EFCAB6: variants seen among roughly 807,000 people sequenced by gnomAD.
EFCAB6 encodes the protein EF-hand calcium binding domain 6.
A neutral mutation model predicts 169.8 loss-of-function variants in EFCAB6; 156 were observed. The ratio of observed to expected loss-of-function variants is 0.92; its 90% CI spans 0.81 to 1.05. The LOEUF is 1.05. Ranked by LOEUF, EFCAB6 falls within the 50% of genes least tolerant of loss-of-function variation. The probability of loss-of-function intolerance (pLI) is 0.00; values close to 1 mark genes in which losing one functional copy is unlikely to be tolerated. For synonymous variants in EFCAB6, 698 were observed against 676.4 expected, an observed-to-expected ratio of 1.03 and a Z score of -0.50; for missense variants, 1,800 against 1,829.1, an observed-to-expected ratio of 0.98 and a Z score of 0.29.
Position 43,752,414 on chromosome 22 carries a change from G to A in EFCAB6, c.507+3352C>T, listed in dbSNP as rs1323853920. On this transcript the variant is annotated intron_variant, in intron 6 of 31. Coordinates refer to ENST00000262726, the MANE Select transcript of EFCAB6 (RefSeq NM_022785.4). ...ATTACAGGCGTGAGCCACCATGCCC[G>A]GCTGCCCACTTCTCCTTTCTAACAA... Among the ~76,000 whole-genome samples the A allele has an allele frequency of 3.3e-5, 5 of 152,188 alleles. No individual in the cohort carries two copies. In the East Asian group the frequency reaches 7.7e-4, roughly 23 times the overall value.
Position 43,563,148 on chromosome 22 carries a change from G to A in EFCAB6, c.3421-8052C>T, listed in dbSNP as rs575394853. Reference sequence around the variant, plus strand: ...CGCCGCCTGCCAGGGCAGAAGGAACGCGGCCAGGGCCAGCCTAGGCTGGAA... The same window carrying A: ...CGCCGCCTGCCAGGGCAGAAGGAACACGGCCAGGGCCAGCCTAGGCTGGAA... On this transcript the variant is annotated intron_variant, in intron 26 of 31. Coordinates refer to ENST00000262726, the MANE Select transcript of EFCAB6 (RefSeq NM_022785.4). Among the ~76,000 whole-genome samples, 12 of 152,188 alleles carry A rather than the reference G, an allele frequency of 7.9e-5. No homozygotes were observed. In the South Asian group the frequency reaches 1.7e-3, roughly 21 times the overall value.
At chr22:43,601,806 C>G (rs1051240421) in intron 22 of EFCAB6, among the ~76,000 whole-genome samples, 1 of 152,196 alleles carries the variant, frequency 6.6e-6, no homozygotes, top group Non-Finnish European at 1.5e-5. Flanking sequence ...TGGAGGACCA[C>G]CACCCTTCCC....
At chr22:43,566,464 C>T (rs1328487466) in intron 26 of EFCAB6, among the ~76,000 whole-genome samples, 2 of 152,208 alleles carry the variant, frequency 1.3e-5, no homozygotes, top group Admixed American at 6.5e-5. Flanking sequence ...TTCCTTCCTG[C>T]GTCTCCTTTA....
chr22:43,534,288 C>T (rs1602096221), intron 30 of EFCAB6, among the ~76,000 whole-genome samples: 1 of 152,172 alleles, frequency 6.6e-6, no homozygotes, highest in African/African-American at 2.4e-5. Context: ...TCACCTGGCA[C>T]CATGTAAGAC....
intron 5 of EFCAB6, among the ~76,000 whole-genome samples, chr22:43,757,495 C>T (rs945605797): frequency 1.3e-5 from 2 of 151,860 alleles, no homozygotes; most frequent in Non-Finnish European, 2.9e-5. Context: ...TGCGGTGAGC[C>T]GAGATCACAC....
At chr22:43,638,387 G>A (rs546862011) in intron 17 of EFCAB6, among the ~76,000 whole-genome samples, 1 of 152,300 alleles carries the variant, frequency 6.6e-6, no homozygotes, top group South Asian at 2.1e-4. Context: ...ACAAACTATG[G>A]TCGGGCATGT....
At position 43,537,348 on chromosome 22, in the gene EFCAB6, A is replaced by G; in HGVS notation, c.4048+29T>C. ...CTCTTGCCACAGGGGCTGACCACAT[A>G]TTACCAAGCAGATAGAATCTGAACG... is the stretch of plus-strand genomic sequence containing the variant. On this transcript the variant is annotated intron_variant, in intron 29 of 31. Transcript: ENST00000262726. This position sits in a 1 kb window ranked among gnomAD's most constrained non-coding sequence, Gnocchi z 4.3. 1 of 1,610,788 alleles carries G rather than the reference A, an allele frequency of 6.2e-7. No individual in the cohort carries two copies. The highest frequency in any genetic ancestry group is 8.5e-7 in the Non-Finnish European group (1 of 1,177,794).
At chr22:43,554,498 G>T (rs1016726992) in intron 27 of EFCAB6, 11 of 205,772 alleles carry the variant, frequency 5.3e-5, no homozygotes, top group Non-Finnish European at 9.8e-5. Context: ...ACCTACAACT[G>T]TCTTGGTACA....
chr22:43,790,403 A>C (rs902996069), intron 2 of EFCAB6, among the ~76,000 whole-genome samples: 1 of 152,260 alleles, frequency 6.6e-6, no homozygotes, highest in Non-Finnish European at 1.5e-5. Context: ...TCAATGAACA[A>C]AATATGTAAA....
chr22:43,647,478 C>G (rs139611272), intron 17 of EFCAB6, among the ~76,000 whole-genome samples: 9 of 152,312 alleles, frequency 5.9e-5, no homozygotes, highest in African/African-American at 1.7e-4. Flanking sequence ...GTGAACAAAA[C>G]AGCCAAGTCC....
At chr22:43,561,356 C>CAAAAAAAAAA (rs768942774) in intron 26 of EFCAB6, among the ~76,000 whole-genome samples, 3 of 112,132 alleles carry the variant, frequency 2.7e-5, no homozygotes, top group African/African-American at 6.7e-5. Flanking sequence ...GACTCTGTCT[C>CAAAAAAAAAA]AAAAAAAAAA....
chr22:43,636,119 G>A (rs1056424145), intron 17 of EFCAB6, among the ~76,000 whole-genome samples: 7 of 152,222 alleles, frequency 4.6e-5, no homozygotes, highest in Non-Finnish European at 1.0e-4. Context: ...GGCCAAAGAC[G>A]TCCAGGATGA....
intron 2 of EFCAB6, among the ~76,000 whole-genome samples, chr22:43,808,607 T>C (rs553765053): frequency 6.6e-6 from 1 of 152,064 alleles, no homozygotes; most frequent in South Asian, 2.1e-4. Flanking sequence ...TATTTTTAGG[T>C]CCCGAGGATA....
intron 20 of EFCAB6, 81 bp downstream of exon 20, chr22:43,626,366 G>T: frequency 7.4e-7 from 1 of 1,352,280 alleles, no homozygotes; most frequent in Non-Finnish European, 1.0e-6. Context: ...GTATCCCTTT[G>T]CGGACGCCAT....
chr22:43,780,486 CA>C (rs34634496), intron 3 of EFCAB6, among the ~76,000 whole-genome samples: 210 of 49,032 alleles, frequency 4.3e-3, no homozygotes, highest in African/African-American at 0.014. Context: ...GACTCTGTCT[CA>C]AAAAAAAAAA....
Position 43,786,493 on chromosome 22 carries a change from A to T in EFCAB6, c.-7-4168T>A, listed in dbSNP as rs898268756. Among the ~76,000 whole-genome samples the T allele has an allele frequency of 2.0e-5, 3 of 152,222 alleles. No homozygotes were observed. In the East Asian group the frequency reaches 5.8e-4, roughly 29 times the overall value. On this transcript the variant is annotated intron_variant, in intron 2 of 31. Coordinates refer to ENST00000262726, the MANE Select transcript of EFCAB6 (RefSeq NM_022785.4). ...TCCCAGCACTTTGGGAGGCCAAGGC[A>T]GGCAGATCACGAGGTCAGGAGATCA...
chr22:43,788,023 G>A (rs770347377), intron 2 of EFCAB6, among the ~76,000 whole-genome samples: 5 of 152,070 alleles, frequency 3.3e-5, no homozygotes, highest in South Asian at 2.1e-4. Flanking sequence ...TCTTTTCAAC[G>A]AACAGCGCCA....
intron 27 of EFCAB6, among the ~76,000 whole-genome samples, chr22:43,541,937 A>G (rs1026552254): frequency 6.6e-6 from 1 of 152,244 alleles, no homozygotes; most frequent in African/African-American, 2.4e-5. Flanking sequence ...AGTTCCTAAG[A>G]GACTCACATG....
At chr22:43,598,338 A>AAAAG (rs1569223304) in intron 23 of EFCAB6, among the ~76,000 whole-genome samples, 18 of 149,388 alleles carry the variant, frequency 1.2e-4, no homozygotes, top group East Asian at 1.9e-4. Context: ...AAAAAAAAAA[A>AAAAG]GGTTGATCTC....
Sources: allele counts gnomAD v4.1 joint callset (sites outside exome capture counted in the v4.1 genomes callset), GRCh38; gene constraint gnomAD v4.1.1; non-coding constraint Gnocchi (gnomAD v3.1); transcripts MANE v1.5; gene names NCBI Gene and HGNC (gene_info 2026-07-23, HGNC 2026-07-21).